Variants in MRC1 observed in about 807,000 individuals in gnomAD.
MRC1 encodes the protein mannose receptor C-type 1.
MRC1 carries 62 observed loss-of-function variants against 102.9 expected under a neutral mutation model. That is an observed-to-expected ratio of 0.60 (90% CI 0.49 to 0.74). The LOEUF (loss-of-function observed/expected upper bound fraction) is 0.74, where lower values mean the gene tolerates loss of function less well. MRC1 is among the 30% of genes least tolerant of loss of function. MRC1 has a pLI of 0.00. For missense variants in MRC1, 1,237 were observed against 862.8 expected, an observed-to-expected ratio of 1.43 and a Z score of -5.43; for synonymous variants, 457 against 298.4, an observed-to-expected ratio of 1.53 and a Z score of -5.48.
At chr10:17,877,789 C>T (rs1833457416) in intron 17 of MRC1, 111 bp from the exon 18 acceptor site, 5 of 802,306 alleles carry the variant, frequency 6.2e-6, no homozygotes, top group Non-Finnish European at 1.1e-5. Context: ...GCAGAAATTC[C>T]TCTCTAGATA....
Position 17,866,563 on chromosome 10 carries a change from G to A in MRC1, c.1785G>A (p.Gly595=), listed in dbSNP as rs1423425283. The A allele has an allele frequency of 3.8e-4, 299 of 780,732 alleles. 1 individual carries two copies. The highest frequency in any genetic ancestry group is 3.1e-5 in the Non-Finnish European group (13 of 417,966). 48.4% of individuals were successfully genotyped at this position (780,732 alleles called of 1,614,324 possible). The change falls in exon 12 of 30, where the codon GGG becomes GGA. Residue 595 remains glycine (G), a splice_region_variant and synonymous_variant. Coordinates refer to ENST00000569591, the MANE Select transcript of MRC1 (RefSeq NM_002438.4). ...RFTHWNSDMP[G]RKPGCVAMRT... Reference sequence around the variant, plus strand: ...TTCTACTTCATATATTTAATGCAGGGCGAAAGCCAGGGTGTGTTGCCATGA... The same window carrying A: ...TTCTACTTCATATATTTAATGCAGGACGAAAGCCAGGGTGTGTTGCCATGA...
At chr10:17,812,999 A>T (rs1838249202) in intron 1 of MRC1, among the ~76,000 whole-genome samples, 1 of 152,208 alleles carries the variant, frequency 6.6e-6, no homozygotes, top group African/African-American at 2.4e-5. Flanking sequence ...GCAAAAAATG[A>T]TAATGAGAGA....
intron 3 of MRC1, among the ~76,000 whole-genome samples, chr10:17,831,303 C>G (rs961849489): frequency 2.0e-5 from 3 of 151,262 alleles, no homozygotes; most frequent in Non-Finnish European, 4.4e-5. Flanking sequence ...AATGGTCTCA[C>G]CGACATACAC....
intron 22 of MRC1, among the ~76,000 whole-genome samples, chr10:17,885,675 A>T (rs1315489885): frequency 2.0e-5 from 3 of 152,150 alleles, no homozygotes; most frequent in African/African-American, 7.2e-5. Context: ...TTCCATTCTG[A>T]GCCTAACTTG....
In MRC1 at chr10:17,881,071, T is replaced by C; in HGVS notation, c.2870T>C (p.Phe957Ser). The C allele has an allele frequency of 1.3e-6, 1 of 780,704 alleles. No homozygotes were observed. The allele number at this position is 780,704 out of a possible 1,614,324, so 48.4% of individuals were successfully genotyped here. A position where few individuals can be genotyped will look rare whatever the true frequency, so the allele number is the denominator to read the frequency against. The change falls in exon 21 of 30, where the codon TTC (phenylalanine) becomes TCC (serine). Residue 957 changes from phenylalanine to serine, a missense_variant. By Grantham distance (155) the Phe-to-Ser change is radical. Transcript: ENST00000569591. Reference protein sequence around the residue: ...EGWNFYSNKCFKIFGFMEEER... With the variant: ...EGWNFYSNKCSKIFGFMEEER... ...TCTGCCCCTCTTCCATCCCAGTGTTTCAAAATCTTTGGATTTATGGAAGAA... is the reference window on the plus strand; with the variant it reads ...TCTGCCCCTCTTCCATCCCAGTGTTCCAAAATCTTTGGATTTATGGAAGAA...
chr10:17,866,177 A>T (rs1000975800), intron 11 of MRC1, among the ~76,000 whole-genome samples: 5 of 152,118 alleles, frequency 3.3e-5, no homozygotes, highest in Non-Finnish European at 7.3e-5. Context: ...TCTGTGAAAA[A>T]CTTTGGTCCT....
At chr10:17,825,618 G>A (rs935640964) in intron 2 of MRC1, among the ~76,000 whole-genome samples, 1 of 152,082 alleles carries the variant, frequency 6.6e-6, no homozygotes, top group Non-Finnish European at 1.5e-5. Context: ...CCTGTAGTCC[G>A]AGGTATTCAG....
intron 1 of MRC1, among the ~76,000 whole-genome samples, chr10:17,820,118 A>G (rs1213720210): frequency 6.6e-6 from 1 of 152,170 alleles, no homozygotes; most frequent in Non-Finnish European, 1.5e-5. Context: ...AAGTTGGCTG[A>G]TTGAAATGAT....
Position 17,823,485 on chromosome 10 carries a change from C to A in MRC1, c.463+10C>A, listed in dbSNP as rs1178845438. Reference sequence around the variant, plus strand: ...TCCAGAGGTTATGAAGGTAAGATGCCTGGAATTTTCACCTTCGTGTTGAAA... The same window carrying A: ...TCCAGAGGTTATGAAGGTAAGATGCATGGAATTTTCACCTTCGTGTTGAAA... On this transcript the variant is annotated intron_variant, in intron 2 of 29. Transcript: ENST00000569591. 2.6e-6 allele frequency: 2 copies of A among 780,288 alleles called. No individual in the cohort carries two copies. Among genetic ancestry groups the A allele is most frequent in the Admixed American group, 3.4e-5 (2 of 58,932 alleles). The allele number at this position is 780,288 out of a possible 1,614,324, so 48.3% of individuals were successfully genotyped here.
intron 1 of MRC1, among the ~76,000 whole-genome samples, chr10:17,821,474 C>T (rs527965281): frequency 6.6e-6 from 1 of 152,144 alleles, no homozygotes; most frequent in African/African-American, 2.4e-5. Context: ...GATATTTGAT[C>T]AAGCACCAGA....
chr10:17,839,437 C>T (rs1217320221), intron 4 of MRC1, among the ~76,000 whole-genome samples: 4 of 148,194 alleles, frequency 2.7e-5, no homozygotes, highest in South Asian at 2.2e-4. Context: ...CTGTAGAATA[C>T]GTCTGTGCAA....
At position 17,814,660 on chromosome 10, in the gene MRC1, T is replaced by C. The variant is rs899104731; in HGVS notation, c.61+5134T>C. Among the ~76,000 whole-genome samples the C allele has an allele frequency of 1.9e-4, 28 of 149,144 alleles. No individual in the cohort carries two copies. The East Asian group carries it at 5.2e-3, about 27-fold the overall frequency. ...CTAGAAACCCTGCAGTTCCGTGTTC[T>C]CGGTCCTTCCGTCCCTCTTTTTTTT... is the stretch of plus-strand genomic sequence containing the variant. On this transcript the variant is annotated intron_variant, in intron 1 of 29. Transcript: ENST00000569591.
At chr10:17,908,866 G>A (rs1313140830) in intron 28 of MRC1, among the ~76,000 whole-genome samples, 1 of 152,206 alleles carries the variant, frequency 6.6e-6, no homozygotes, top group East Asian at 1.9e-4. Context: ...ACCACTCCTG[G>A]CCTGGAGTCT....
At chr10:17,850,013 G>A (rs1251357390) in intron 7 of MRC1, among the ~76,000 whole-genome samples, 2 of 152,046 alleles carry the variant, frequency 1.3e-5, no homozygotes, top group Non-Finnish European at 2.9e-5. Context: ...ATCCATTTAT[G>A]GGTAGTTTTA....
intron 3 of MRC1, among the ~76,000 whole-genome samples, chr10:17,828,939 A>G (rs1838525941): frequency 6.6e-6 from 1 of 151,334 alleles, no homozygotes; most frequent in Non-Finnish European, 1.5e-5. Flanking sequence ...AAAAGGAAGT[A>G]TTCCTCTTAG....
At chr10:17,848,121 A>T (rs902824054) in intron 6 of MRC1, among the ~76,000 whole-genome samples, 3 of 152,182 alleles carry the variant, frequency 2.0e-5, no homozygotes, top group Non-Finnish European at 4.4e-5. Context: ...CCTTTAAGGG[A>T]AGATACGACC....
At chr10:17,833,305 G>A (rs1043486665) in intron 3 of MRC1, among the ~76,000 whole-genome samples, 1 of 152,174 alleles carries the variant, frequency 6.6e-6, no homozygotes, top group South Asian at 2.1e-4. Context: ...AGAATGGCTT[G>A]AGAACAGGAG....
At chr10:17,811,686 C>T (rs1168943440) in intron 1 of MRC1, among the ~76,000 whole-genome samples, 1 of 152,154 alleles carries the variant, frequency 6.6e-6, no homozygotes, top group African/African-American at 2.4e-5. Flanking sequence ...TGGCCCACTC[C>T]CAACTCCCCA....
chr10:17,870,425 T>G, intron 13 of MRC1, 52 bp downstream of exon 13: 1 of 779,654 alleles, frequency 1.3e-6, no homozygotes, highest in Non-Finnish European at 2.4e-6. Context: ...TTGGTGCTTA[T>G]GAAGTTGAGA....
Sources: allele counts gnomAD v4.1 joint callset (sites outside exome capture counted in the v4.1 genomes callset), GRCh38; gene constraint gnomAD v4.1.1; transcripts MANE v1.5; gene names NCBI Gene and HGNC (gene_info 2026-07-23, HGNC 2026-07-21).